Variants in AUTS2 observed in about 807,000 individuals in gnomAD.
AUTS2 encodes the protein activator of transcription and developmental regulator AUTS2, also known as autism susceptibility gene 2 protein.
AUTS2 carries 17 observed loss-of-function variants against 112.4 expected under a neutral mutation model. The observed-to-expected ratio is 0.15, with a 90% CI of 0.10 to 0.23. The LOEUF is 0.23. Ranked by LOEUF, AUTS2 falls within the 10% of genes least tolerant of loss-of-function variation. AUTS2 has a pLI of 1.00. For synonymous variants in AUTS2, 751 were observed against 702.7 expected, an observed-to-expected ratio of 1.07 and a Z score of -1.09; for missense variants, 1,510 against 1,701.6, an observed-to-expected ratio of 0.89 and a Z score of 1.98.
intron 5 of AUTS2, among the ~76,000 whole-genome samples, chr7:70,487,316 A>G (rs1384285192): frequency 1.3e-5 from 2 of 152,132 alleles, no homozygotes; most frequent in Non-Finnish European, 2.9e-5. Flanking sequence ...TACAGAGAGA[A>G]TTTTCAAGAA....
chr7:70,679,713 T>C (rs961683484), intron 5 of AUTS2, among the ~76,000 whole-genome samples: 19 of 152,216 alleles, frequency 1.2e-4, no homozygotes, highest in African/African-American at 4.6e-4. Flanking sequence ...AATGACTAAA[T>C]TGGTTCTCAA....
intron 5 of AUTS2, among the ~76,000 whole-genome samples, chr7:70,461,684 A>C (rs867742180): frequency 6.6e-6 from 1 of 152,138 alleles, no homozygotes; most frequent in Non-Finnish European, 1.5e-5. Context: ...CCTCTTTCCA[A>C]CTAAGAAAAC....
At chr7:70,130,243 T>C (rs1806202942) in intron 3 of AUTS2, among the ~76,000 whole-genome samples, 1 of 152,228 alleles carries the variant, frequency 6.6e-6, no homozygotes, top group Non-Finnish European at 1.5e-5. Context: ...ACATGTGTCC[T>C]GTCTGTACTC....
chr7:70,705,203 C>A (rs371438494), intron 6 of AUTS2, among the ~76,000 whole-genome samples: 1 of 152,158 alleles, frequency 6.6e-6, no homozygotes, highest in Non-Finnish European at 1.5e-5. Flanking sequence ...AATACACTCT[C>A]GTCTGGAATT....
intron 5 of AUTS2, among the ~76,000 whole-genome samples, chr7:70,466,930 A>G (rs1797189610): frequency 6.6e-6 from 1 of 152,192 alleles, no homozygotes; most frequent in Admixed American, 6.5e-5. Flanking sequence ...CCCAGGTGAG[A>G]GAGGATGGTG....
intron 4 of AUTS2, among the ~76,000 whole-genome samples, chr7:70,318,902 G>A (rs1322263017): frequency 6.6e-6 from 1 of 152,128 alleles, no homozygotes; most frequent in Non-Finnish European, 1.5e-5. Flanking sequence ...CCATGAAAAG[G>A]CACCGTGCCC....
At chr7:70,585,931 C>T (rs978500299) in intron 5 of AUTS2, among the ~76,000 whole-genome samples, 3 of 151,984 alleles carry the variant, frequency 2.0e-5, no homozygotes, top group Non-Finnish European at 2.9e-5. Flanking sequence ...GGCGCGATCT[C>T]GGCTCACTGC....
intron 4 of AUTS2, among the ~76,000 whole-genome samples, chr7:70,278,287 A>T (rs908848297): frequency 6.6e-6 from 1 of 152,148 alleles, no homozygotes; most frequent in African/African-American, 2.4e-5. Flanking sequence ...TTAAATGAGG[A>T]TTCATTTTAG....
chr7:70,477,814 C>T (rs542496649), intron 5 of AUTS2, among the ~76,000 whole-genome samples: 2 of 152,366 alleles, frequency 1.3e-5, no homozygotes, highest in Non-Finnish European at 2.9e-5. Context: ...GTTTACTTTC[C>T]TTGCCAAGCT....
intron 18 of AUTS2, 137 bp from the exon 19 acceptor site, chr7:70,789,611 C>T (rs1585699173): frequency 4.9e-6 from 5 of 1,019,278 alleles, no homozygotes; most frequent in East Asian, 5.1e-5. Flanking sequence ...GTCCAGGGCA[C>T]GGCTGCTGCC....
At chr7:70,587,517 T>G (rs1201425601) in intron 5 of AUTS2, among the ~76,000 whole-genome samples, 1 of 152,212 alleles carries the variant, frequency 6.6e-6, no homozygotes, top group Non-Finnish European at 1.5e-5. Context: ...ATCTGAGTAT[T>G]TTACATTGCA....
chr7:70,650,096 G>A lies in AUTS2; in HGVS notation c.691-48473G>A, dbSNP rs777350218. ...TTCTCCTCATGATTTCAAGATGGCC[G>A]CCATAGTTATCAGACACTATTTCCT... On this transcript the variant is annotated intron_variant, in intron 5 of 18. Transcript: ENST00000342771. Among the ~76,000 whole-genome samples the A allele has an allele frequency of 8.5e-5, 13 of 152,218 alleles. No homozygotes were observed. In the South Asian group the frequency reaches 1.2e-3, roughly 15 times the overall value.
Position 70,345,641 on chromosome 7 carries a change from A to G in AUTS2, c.661-90111A>G, listed in dbSNP as rs530063446. Among the ~76,000 whole-genome samples the G allele has an allele frequency of 4.6e-5, 7 of 152,296 alleles. No homozygotes were observed. In the South Asian group the frequency reaches 1.5e-3, roughly 32 times the overall value. ...GACTATGTTTTAGCCTTTGAACTATAAAATCTGCCTTTCAGTAAGCTTAGC... is the reference window on the plus strand; with the variant it reads ...GACTATGTTTTAGCCTTTGAACTATGAAATCTGCCTTTCAGTAAGCTTAGC... On this transcript the variant is annotated intron_variant, in intron 4 of 18. Transcript: ENST00000342771.
intron 4 of AUTS2, among the ~76,000 whole-genome samples, chr7:70,190,302 G>A (rs1204278577): frequency 2.6e-5 from 4 of 151,964 alleles, no homozygotes; most frequent in Non-Finnish European, 4.4e-5. Flanking sequence ...ATGTTTGAAC[G>A]GAAAAAGAAA....
At chr7:69,686,399 AT>A (rs1323608792) in intron 1 of AUTS2, among the ~76,000 whole-genome samples, 1 of 152,180 alleles carries the variant, frequency 6.6e-6, no homozygotes, top group African/African-American at 2.4e-5. Flanking sequence ...CAAAAAATAT[AT>A]TAGGTACAGT....
chr7:70,576,156 C>T (rs899509296), intron 5 of AUTS2, among the ~76,000 whole-genome samples: 12 of 152,120 alleles, frequency 7.9e-5, no homozygotes, highest in Non-Finnish European at 1.5e-4. Context: ...GTCCCAAATT[C>T]TGGCCTAATC....
At chr7:69,690,739 G>T (rs1584078770) in intron 1 of AUTS2, among the ~76,000 whole-genome samples, 1 of 152,206 alleles carries the variant, frequency 6.6e-6, no homozygotes, top group African/African-American at 2.4e-5. Flanking sequence ...TTCCTGAAGG[G>T]CTGCAACTCT....
At chr7:69,691,475 G>A (rs2129179310) in intron 1 of AUTS2, among the ~76,000 whole-genome samples, 1 of 152,246 alleles carries the variant, frequency 6.6e-6, no homozygotes, top group Admixed American at 6.5e-5. Flanking sequence ...TCCAGAGGGG[G>A]CCGAGGTGGC....
intron 5 of AUTS2, 76 bp downstream of exon 5, chr7:70,435,857 A>G: frequency 1.3e-6 from 2 of 1,486,368 alleles, no homozygotes; most frequent in Admixed American, 3.4e-5. Context: ...ACACAGCTGC[A>G]GGGTAGGATG....
Sources: allele counts gnomAD v4.1 joint callset (sites outside exome capture counted in the v4.1 genomes callset), GRCh38; gene constraint gnomAD v4.1.1; transcripts MANE v1.5; gene names NCBI Gene and HGNC (gene_info 2026-07-23, HGNC 2026-07-21).